The following COBL variants were observed in gnomAD, a reference collection of about 807,000 sequenced individuals.
COBL encodes protein cordon-bleu.
A neutral mutation model predicts 98.8 loss-of-function variants in COBL; 51 were observed. That is an observed-to-expected ratio of 0.52 (90% CI 0.41 to 0.65). COBL has a LOEUF of 0.65. Ranked by LOEUF, COBL falls within the 30% of genes least tolerant of loss-of-function variation. COBL has a pLI of 0.00. For missense variants in COBL, 1,617 were observed against 1,617.5 expected (o/e 1.00, Z 0.01); for synonymous variants, 634 against 651.7 (o/e 0.97, Z 0.41).
At chr7:51,145,571 G>A (rs1277525137) in intron 5 of COBL, among the ~76,000 whole-genome samples, 1 of 151,648 alleles carries the variant, frequency 6.6e-6, no homozygotes, top group Non-Finnish European at 1.5e-5. Context: ...TAGAGATGGG[G>A]TTTCGCCATG....
chr7:51,052,217 T>C (rs1302363827), intron 7 of COBL, among the ~76,000 whole-genome samples: 1 of 152,206 alleles, frequency 6.6e-6, no homozygotes, highest in Non-Finnish European at 1.5e-5. Context: ...CACCTATCCC[T>C]GAGGGTGTGT....
At chr7:51,273,871 T>C (rs1456530590) in intron 1 of COBL, among the ~76,000 whole-genome samples, 1 of 152,196 alleles carries the variant, frequency 6.6e-6, no homozygotes, top group Non-Finnish European at 1.5e-5. Context: ...GGTGTTTATA[T>C]TTTGAAGTGT....
intron 6 of COBL, among the ~76,000 whole-genome samples, chr7:51,095,634 T>C (rs1253927611): frequency 1.3e-5 from 2 of 152,096 alleles, no homozygotes; most frequent in South Asian, 2.1e-4. Flanking sequence ...AACTATACAC[T>C]GTCTACAAAA....
intron 1 of COBL, among the ~76,000 whole-genome samples, chr7:51,228,121 T>G (rs1486128990): frequency 6.6e-6 from 1 of 152,116 alleles, no homozygotes; most frequent in East Asian, 1.9e-4. Flanking sequence ...ACATCCTGGT[T>G]ACATGCTCTA....
chr7:51,226,423 T>C (rs1794185858), intron 1 of COBL, among the ~76,000 whole-genome samples: 1 of 152,170 alleles, frequency 6.6e-6, no homozygotes, highest in Admixed American at 6.5e-5. Context: ...GCCACAGTTG[T>C]AGACTTCCCT....
At chr7:51,216,819 G>A (rs1769877254) in intron 2 of COBL, among the ~76,000 whole-genome samples, 1 of 152,166 alleles carries the variant, frequency 6.6e-6, no homozygotes, top group South Asian at 2.1e-4. Context: ...CCTATGAAAA[G>A]GTTGCATGTT....
intron 1 of COBL, among the ~76,000 whole-genome samples, chr7:51,277,272 G>A (rs1799394064): frequency 1.3e-5 from 2 of 152,116 alleles, no homozygotes; most frequent in South Asian, 2.1e-4. Flanking sequence ...ATGAATATGT[G>A]TGCCTTGCTC....
At chr7:51,260,253 T>A (rs536534501) in intron 1 of COBL, 3 of 513,272 alleles carry the variant, frequency 5.8e-6, no homozygotes, top group Non-Finnish European at 1.0e-5. Context: ...TATACTATTT[T>A]TAAAGACCTA....
intron 9 of COBL, among the ~76,000 whole-genome samples, chr7:51,029,924 G>A (rs781504529): frequency 3.3e-5 from 5 of 152,186 alleles, no homozygotes; most frequent in African/African-American, 7.2e-5. Context: ...TGAGTTTTGG[G>A]TTTTGACCTC....
intron 2 of COBL, among the ~76,000 whole-genome samples, chr7:51,196,030 C>T (rs1033337478): frequency 2.5e-4 from 38 of 152,124 alleles, no homozygotes; most frequent in African/African-American, 8.7e-4. Context: ...ATTTCCAGTA[C>T]TATGTTGAAT....
At chr7:51,258,468 C>T (rs1160295173) in intron 1 of COBL, among the ~76,000 whole-genome samples, 5 of 152,296 alleles carry the variant, frequency 3.3e-5, no homozygotes, top group South Asian at 4.1e-4. Context: ...TCAGACGAGG[C>T]GGCAGCCAAT....
intron 7 of COBL, among the ~76,000 whole-genome samples, chr7:51,055,567 G>A (rs960160079): frequency 2.8e-4 from 42 of 152,292 alleles, no homozygotes; most frequent in African/African-American, 9.6e-4. Context: ...CGCCCTGGAG[G>A]GCTTGTTAAA....
intron 1 of COBL, among the ~76,000 whole-genome samples, chr7:51,312,810 G>A (rs1471120797): frequency 6.6e-6 from 1 of 152,030 alleles, no homozygotes; most frequent in Non-Finnish European, 1.5e-5. Context: ...AGTTCCTGGG[G>A]GCAGGAGAGA....
rs1000049845 is a variant in COBL at position 51,141,721 on chromosome 7, T to C, written c.784-5390A>G. Among the ~76,000 whole-genome samples, 3 of 151,994 alleles carry C rather than the reference T, an allele frequency of 2.0e-5. No homozygotes were observed. In the East Asian group the frequency reaches 5.8e-4, roughly 29 times the overall value. On this transcript the variant is annotated intron_variant, in intron 5 of 12. Coordinates refer to ENST00000265136, the MANE Select transcript of COBL (RefSeq NM_015198.5). ...TTATCCACACTGGCTTTTCTTCAGA[T>C]ACAGGTGTTGACAGGACTCAAGGCA...
intron 7 of COBL, among the ~76,000 whole-genome samples, chr7:51,082,639 C>G (rs766709124): frequency 5.9e-5 from 9 of 151,662 alleles, no homozygotes; most frequent in African/African-American, 2.2e-4. Flanking sequence ...AGCTAACTTA[C>G]GAAGGACGTC....
intron 7 of COBL, among the ~76,000 whole-genome samples, chr7:51,074,651 G>T (rs1402227824): frequency 2.0e-5 from 3 of 152,154 alleles, no homozygotes; most frequent in African/African-American, 4.8e-5. Context: ...ACAAAATACA[G>T]TTGTGATTAT....
intron 6 of COBL, among the ~76,000 whole-genome samples, chr7:51,121,667 T>A (rs1035457012): frequency 6.6e-6 from 1 of 152,208 alleles, no homozygotes; most frequent in Non-Finnish European, 1.5e-5. Flanking sequence ...GCACCCAGCT[T>A]CAGTTTCCAA....
chr7:51,272,515 G>A (rs553451030), intron 1 of COBL, among the ~76,000 whole-genome samples: 11 of 152,124 alleles, frequency 7.2e-5, no homozygotes, highest in African/African-American at 2.4e-4. Flanking sequence ...CATCATGGGC[G>A]ACGCAAGAAA....
chr7:51,265,855 C>T (rs1040219219), intron 1 of COBL, among the ~76,000 whole-genome samples: 2 of 152,174 alleles, frequency 1.3e-5, no homozygotes, highest in Non-Finnish European at 2.9e-5. Flanking sequence ...CTCACATTCT[C>T]AAGAAACAGT....
Sources: gnomAD v4.1 joint callset for allele counts (sites outside exome capture counted in the v4.1 genomes callset) on GRCh38, gnomAD v4.1.1 for gene constraint, MANE v1.5 for transcripts, NCBI Gene and HGNC (gene_info 2026-07-23, HGNC 2026-07-21) for gene names.